The following DGKI variants were observed in gnomAD, a reference collection of about 807,000 sequenced individuals.
DGKI encodes diacylglycerol kinase iota.
Under a neutral mutation model 147.5 loss-of-function variants are expected in DGKI, and 55 were observed. The observed-to-expected ratio is 0.37, with a 90% CI of 0.30 to 0.47. The LOEUF (loss-of-function observed/expected upper bound fraction) is 0.47, where lower values mean the gene tolerates loss of function less well. Ranked by LOEUF, DGKI falls within the 20% of genes least tolerant of loss-of-function variation. The pLI is 1.00. For missense variants in DGKI, 1,007 were observed against 1,323.8 expected (o/e 0.76, Z 3.71); for synonymous variants, 469 against 477.1 (o/e 0.98, Z 0.22).
intron 32 of DGKI, among the ~76,000 whole-genome samples, chr7:137,393,421 A>T (rs773967323): frequency 3.3e-5 from 5 of 151,982 alleles, no homozygotes; most frequent in Non-Finnish European, 7.4e-5. Context: ...ATCTGAGTTG[A>T]GTGTAGGACC....
chr7:137,590,540 A>G (rs978241881), intron 12 of DGKI, among the ~76,000 whole-genome samples: 3 of 152,268 alleles, frequency 2.0e-5, no homozygotes, highest in African/African-American at 7.2e-5. Flanking sequence ...ATGAGCTTGC[A>G]AAGAAGAAAC....
At chr7:137,416,508 C>T (rs1053630386) in intron 28 of DGKI, among the ~76,000 whole-genome samples, 3 of 152,180 alleles carry the variant, frequency 2.0e-5, no homozygotes, top group South Asian at 2.1e-4. Context: ...TCTCAGGTAA[C>T]GCGATCCAAG....
intron 20 of DGKI, among the ~76,000 whole-genome samples, chr7:137,527,146 A>G (rs1817178736): frequency 6.6e-6 from 1 of 152,218 alleles, no homozygotes; most frequent in Admixed American, 6.5e-5. Flanking sequence ...TGATCTGAAA[A>G]TGGGACTGAT....
intron 3 of DGKI, among the ~76,000 whole-genome samples, chr7:137,676,026 G>A (rs189156272): frequency 1.3e-3 from 200 of 152,218 alleles, no homozygotes; most frequent in Non-Finnish European, 1.5e-3. Context: ...CCCCACTCTG[G>A]GTCCTCTGCT....
At chr7:137,703,936 C>T (rs1186041741) in intron 1 of DGKI, among the ~76,000 whole-genome samples, 2 of 152,270 alleles carry the variant, frequency 1.3e-5, no homozygotes, top group South Asian at 2.1e-4. Flanking sequence ...GCAGGCCAGG[C>T]ACAGTCGCTC....
intron 1 of DGKI, among the ~76,000 whole-genome samples, chr7:137,756,439 G>A (rs1795684552): frequency 6.6e-6 from 1 of 152,174 alleles, no homozygotes; most frequent in Non-Finnish European, 1.5e-5. Context: ...GGTTATTTTT[G>A]TAAGACATGA....
intron 20 of DGKI, among the ~76,000 whole-genome samples, chr7:137,551,597 G>C (rs1818046573): frequency 6.6e-6 from 1 of 152,134 alleles, no homozygotes; most frequent in African/African-American, 2.4e-5. Flanking sequence ...CAAAAATTAT[G>C]TTCATTTTCC....
intron 12 of DGKI, among the ~76,000 whole-genome samples, chr7:137,594,207 C>T (rs531896087): frequency 3.4e-4 from 51 of 152,180 alleles, no homozygotes; most frequent in South Asian, 1.5e-3. Context: ...CCACCATGCC[C>T]GACTAATTTT....
At chr7:137,843,131 A>G (rs563025932) in intron 1 of DGKI, among the ~76,000 whole-genome samples, 5 of 152,332 alleles carry the variant, frequency 3.3e-5, no homozygotes, top group African/African-American at 1.2e-4. Context: ...AGATTAATTA[A>G]GACAGAATAT....
intron 21 of DGKI, among the ~76,000 whole-genome samples, chr7:137,495,542 T>C (rs1440733450): frequency 6.6e-5 from 6 of 90,232 alleles, no homozygotes; most frequent in South Asian, 4.0e-4. Flanking sequence ...TTCTTTAACA[T>C]AAATGCAAAA....
intron 1 of DGKI, among the ~76,000 whole-genome samples, chr7:137,768,632 C>T (rs1422467034): frequency 1.3e-5 from 2 of 152,184 alleles, no homozygotes; most frequent in Admixed American, 1.3e-4. Flanking sequence ...CGTACAGGCC[C>T]CGGGCAGAAT....
chr7:137,782,917 C>T (rs1426571309), intron 1 of DGKI, among the ~76,000 whole-genome samples: 4 of 152,146 alleles, frequency 2.6e-5, no homozygotes. Context: ...AGTCCCATTC[C>T]TAGGCGAAAG....
At chr7:137,531,409 G>C (rs1249406240) in intron 20 of DGKI, among the ~76,000 whole-genome samples, 1 of 152,126 alleles carries the variant, frequency 6.6e-6, no homozygotes, top group Non-Finnish European at 1.5e-5. Context: ...TAATACCATA[G>C]CCTGCAATCA....
At chr7:137,433,912 G>A (rs1405222160) in intron 28 of DGKI, among the ~76,000 whole-genome samples, 1 of 152,132 alleles carries the variant, frequency 6.6e-6, no homozygotes, top group Non-Finnish European at 1.5e-5. Context: ...GAGGTCAGGA[G>A]TTCGAGACCA....
In DGKI at chr7:137,536,008, A is replaced by G. The variant is rs529139406; in HGVS notation, c.2148-14042T>C. ...ATAACAACACTTGAACTATAAACCT[A>G]TGACACCAAAGATTCACACATTTGC... On this transcript the variant is annotated intron_variant, in intron 20 of 32. Coordinates refer to ENST00000614521, the MANE Select transcript of DGKI (RefSeq NM_001321708.2). 7.2e-5 allele frequency among the ~76,000 whole-genome samples: 11 copies of G among 152,326 alleles called. No homozygotes were observed. The South Asian group carries it at 1.9e-3, about 26-fold the overall frequency.
intron 1 of DGKI, among the ~76,000 whole-genome samples, chr7:137,845,281 C>A (rs570426506): frequency 5.6e-4 from 85 of 152,306 alleles, no homozygotes; most frequent in African/African-American, 1.9e-3. Flanking sequence ...TATGGGGATC[C>A]CAATTATTCA....
intron 11 of DGKI, among the ~76,000 whole-genome samples, chr7:137,599,393 G>GCGCA (rs1563105128): frequency 1.3e-5 from 2 of 150,258 alleles, no homozygotes; most frequent in Admixed American, 6.6e-5. Flanking sequence ...ACAAGCGCGC[G>GCGCA]CACACACACA....
chr7:137,441,020 T>C (rs1038033210), intron 28 of DGKI, among the ~76,000 whole-genome samples: 2 of 152,210 alleles, frequency 1.3e-5, no homozygotes, highest in Non-Finnish European at 2.9e-5. Flanking sequence ...CTTTAAACTT[T>C]TCAAGGGCGG....
intron 3 of DGKI, among the ~76,000 whole-genome samples, chr7:137,662,718 A>C (rs1822488503): frequency 6.6e-6 from 1 of 152,162 alleles, no homozygotes; most frequent in Non-Finnish European, 1.5e-5. Context: ...CCATGTTAAA[A>C]GGTCCCAGCC....
Sources: gnomAD v4.1 joint callset for allele counts (sites outside exome capture counted in the v4.1 genomes callset) on GRCh38, gnomAD v4.1.1 for gene constraint, MANE v1.5 for transcripts, NCBI Gene and HGNC (gene_info 2026-07-23, HGNC 2026-07-21) for gene names.